CRTC1: variants seen among roughly 807,000 people sequenced by gnomAD.
CRTC1 encodes CREB-regulated transcription coactivator 1.
CRTC1 carries 18 observed loss-of-function variants against 66.1 expected under a neutral mutation model. The observed-to-expected ratio is 0.27, with a 90% CI of 0.19 to 0.40. CRTC1 has a LOEUF of 0.40. Among genes scored for constraint, CRTC1 ranks in the 10% least tolerant of loss-of-function variants. CRTC1 has a pLI of 1.00. For missense variants in CRTC1, 669 were observed against 887.9 expected (o/e 0.75, Z 3.13); for synonymous variants, 416 against 398.8 (o/e 1.04, Z -0.51).
chr19:18,734,866 C>T (rs75922013), intron 1 of CRTC1, among the ~76,000 whole-genome samples: 32 of 152,128 alleles, frequency 2.1e-4, no homozygotes, highest in Non-Finnish European at 3.8e-4. Flanking sequence ...CTCTCCTGTT[C>T]CCCTGGGACC....
intron 1 of CRTC1, among the ~76,000 whole-genome samples, chr19:18,734,595 G>T (rs1324721427): frequency 2.6e-5 from 4 of 152,104 alleles, no homozygotes; most frequent in African/African-American, 9.7e-5. Flanking sequence ...GAGATGGGAG[G>T]ATTGTTTGAG....
chr19:18,759,865 A>G, intron 7 of CRTC1, 143 bp from the exon 8 acceptor site: 2 of 756,914 alleles, frequency 2.6e-6, no homozygotes, highest in East Asian at 2.6e-5. Flanking sequence ...GCCTGGTGCC[A>G]GCCAACAGTG....
intron 11 of CRTC1, among the ~76,000 whole-genome samples, chr19:18,774,690 G>A (rs973126251): frequency 2.0e-5 from 3 of 152,164 alleles, no homozygotes; most frequent in Middle Eastern, 3.2e-3. Flanking sequence ...AGGGGCTTTC[G>A]GGTTGCAGAG....
At chr19:18,753,349 T>C (rs1475708590) in intron 5 of CRTC1, 151 bp from the exon 6 acceptor site, 10 of 499,650 alleles carry the variant, frequency 2.0e-5, no homozygotes, top group Admixed American at 3.1e-5. Flanking sequence ...TTTTGTGGTT[T>C]TAGTACAGTC....
intron 1 of CRTC1, among the ~76,000 whole-genome samples, chr19:18,692,072 A>G (rs2052854738): frequency 6.6e-6 from 1 of 151,078 alleles, no homozygotes; most frequent in African/African-American, 2.4e-5. Context: ...CTACACTCCA[A>G]CCCCGACCCT....
intron 1 of CRTC1, among the ~76,000 whole-genome samples, chr19:18,700,890 T>G (rs1369177182): frequency 1.3e-5 from 2 of 152,222 alleles, no homozygotes; most frequent in Non-Finnish European, 2.9e-5. Context: ...AAGCAGAGGC[T>G]CCCTGCTGCG....
intron 11 of CRTC1, among the ~76,000 whole-genome samples, chr19:18,773,274 C>T (rs1383714414): frequency 6.6e-6 from 1 of 152,152 alleles, no homozygotes; most frequent in Non-Finnish European, 1.5e-5. Flanking sequence ...CCCACAGGCC[C>T]AGACCACCCC....
At chr19:18,729,602 G>A (rs916062484) in intron 1 of CRTC1, among the ~76,000 whole-genome samples, 3 of 151,970 alleles carry the variant, frequency 2.0e-5, no homozygotes, top group East Asian at 1.9e-4. Flanking sequence ...TTGGCTAAGC[G>A]TGTTGGCCTG....
At position 18,774,908 on chromosome 19, in the gene CRTC1, C is replaced by T. The variant is rs1435741058; in HGVS notation, c.1434C>T (p.Ser478=). The part of the protein sequence containing the change: ...FSPGSSPQHT[S]TLGSVFGDAY... The stretch of plus-strand genomic sequence containing the variant: ...CTCTCTTCTGTCTGCAGCACACTTC[C>T]ACCCTGGGCAGCGTGTTTGGGGACG... Residue 478 remains serine, a synonymous_variant, in exon 12 of 14, where the codon TCC becomes TCT. Coordinates refer to ENST00000321949, the MANE Select transcript of CRTC1 (RefSeq NM_015321.3). 4.3e-6 allele frequency: 7 copies of T among 1,610,872 alleles called. No homozygotes were observed. Among genetic ancestry groups the T allele is most frequent in the East Asian group, 2.2e-5 (1 of 44,896 alleles).
chr19:18,687,749 G>A lies in CRTC1; in HGVS notation c.126+3921G>A, dbSNP rs140867781. On this transcript the variant is annotated intron_variant, in intron 1 of 13. Coordinates refer to ENST00000321949, the MANE Select transcript of CRTC1 (RefSeq NM_015321.3). ...GCACCTGAGGTGTCTTGCTGCCGTG[G>A]AAGGCCAGTCAGCAGATGTTTGGCT... Among the ~76,000 whole-genome samples the A allele has an allele frequency of 1.3e-3, 199 of 152,292 alleles. 1 individual carries two copies. Among genetic ancestry groups the A allele is most frequent in the Non-Finnish European group, 2.4e-3 (164 of 68,028 alleles).
chr19:18,776,938 T>A (rs1297045959), intron 13 of CRTC1, among the ~76,000 whole-genome samples: 1 of 152,112 alleles, frequency 6.6e-6, no homozygotes, highest in Non-Finnish European at 1.5e-5. Context: ...GCTCCTGACA[T>A]CTGGAGCTGA....
intron 6 of CRTC1, among the ~76,000 whole-genome samples, chr19:18,758,038 AAAATT>A (rs1246301089): frequency 6.6e-6 from 1 of 150,642 alleles, no homozygotes; most frequent in Non-Finnish European, 1.5e-5. Flanking sequence ...ATAAAAATAA[AAAATT>A]AAAACTAAAA....
chr19:18,703,874 A>G (rs1312541994), intron 1 of CRTC1, among the ~76,000 whole-genome samples: 1 of 152,234 alleles, frequency 6.6e-6, no homozygotes, highest in African/African-American at 2.4e-5. Flanking sequence ...CTGGGATTGC[A>G]GGCGAGAGCC....
chr19:18,769,443 T>C (rs1419127936), intron 10 of CRTC1, among the ~76,000 whole-genome samples: 3 of 152,230 alleles, frequency 2.0e-5, no homozygotes, highest in Non-Finnish European at 4.4e-5. Flanking sequence ...CCGGGCACAA[T>C]GAGTCCTCCC....
In CRTC1 at chr19:18,730,269, A is replaced by G. The variant is rs2053855807; in HGVS notation, c.127-12641A>G. Among the ~76,000 whole-genome samples, 4 of 151,592 alleles carry G rather than the reference A, an allele frequency of 2.6e-5. No homozygotes were observed. The South Asian group carries it at 8.3e-4, about 32-fold the overall frequency. On this transcript the variant is annotated intron_variant, in intron 1 of 13. Transcript: ENST00000321949. ...CCACGAAGCACATCACCAGCTCCTC[A>G]CTCAGGGTCCCTCCTGCCTCCCCTG...
chr19:18,745,210 G>A (rs572793734), intron 2 of CRTC1, among the ~76,000 whole-genome samples: 82 of 152,334 alleles, frequency 5.4e-4, no homozygotes, highest in Non-Finnish European at 9.0e-4. Context: ...TCCGGAAGGC[G>A]CCTGTACTTG....
chr19:18,707,879 A>G (rs1459135843), intron 1 of CRTC1, among the ~76,000 whole-genome samples: 1 of 152,218 alleles, frequency 6.6e-6, no homozygotes, highest in Non-Finnish European at 1.5e-5. Context: ...CCTCCCAGCT[A>G]TGTGACCCTG....
chr19:18,773,858 C>T (rs952468222), intron 11 of CRTC1, among the ~76,000 whole-genome samples: 4 of 152,062 alleles, frequency 2.6e-5, no homozygotes, highest in African/African-American at 4.8e-5. Flanking sequence ...GGTTTGTGGC[C>T]GGCCCCTCTC....
chr19:18,734,170 G>T (rs188275767), intron 1 of CRTC1, among the ~76,000 whole-genome samples: 1 of 152,112 alleles, frequency 6.6e-6, no homozygotes, highest in East Asian at 1.9e-4. Flanking sequence ...GCCAGGGGCT[G>T]GGGGAGGGGA....
Sources: gnomAD v4.1 joint callset for allele counts (sites outside exome capture counted in the v4.1 genomes callset) on GRCh38, gnomAD v4.1.1 for gene constraint, MANE v1.5 for transcripts, NCBI Gene and HGNC (gene_info 2026-07-23, HGNC 2026-07-21) for gene names.